PGCKA1: variants seen among roughly 807,000 people sequenced by gnomAD.
The protein encoded by PGCKA1 is PDCD10 and GCKIII kinases-associated protein 1.
the PGCKA1 span, among the ~76,000 whole-genome samples, chr4:37,558,551 A>G: frequency 6.6e-6 from 1 of 152,058 alleles, no homozygotes; most frequent in Non-Finnish European, 1.5e-5. Flanking sequence ...CTTCATGTCT[A>G]AAACACCAAA....
chr4:37,481,464 C>CAAA, the PGCKA1 span, among the ~76,000 whole-genome samples: 976 of 61,064 alleles, frequency 0.016, 124 homozygotes, highest in Non-Finnish European at 0.025. Context: ...GACCTGTCTC[C>CAAA]AAAAAAAAAA....
chr4:37,556,159 T>C, the PGCKA1 span, among the ~76,000 whole-genome samples: 4 of 152,232 alleles, frequency 2.6e-5, no homozygotes, highest in Admixed American at 2.6e-4. Flanking sequence ...TACTCCATTC[T>C]TTCTGCCTCA....
chr4:37,590,435 C>T, the PGCKA1 span: 1 of 1,611,782 alleles, frequency 6.2e-7, no homozygotes, highest in Non-Finnish European at 8.5e-7. Context: ...GCCAGTACTG[C>T]AAATACTGTT....
the PGCKA1 span, among the ~76,000 whole-genome samples, chr4:37,453,677 A>T: frequency 7.2e-4 from 107 of 147,996 alleles, no homozygotes; most frequent in African/African-American, 2.2e-3. Context: ...CCGTGATGGC[A>T]GGCGGTTGGC....
chr4:37,555,975 G>A, the PGCKA1 span, among the ~76,000 whole-genome samples: 3 of 152,084 alleles, frequency 2.0e-5, no homozygotes, highest in African/African-American at 7.2e-5. Flanking sequence ...CTCCCATCAG[G>A]CTGTTATTCT....
At chr4:37,468,757 T>C in the PGCKA1 span, among the ~76,000 whole-genome samples, 62,962 of 151,586 alleles carry the variant, frequency 0.42, 13,836 homozygotes, top group Non-Finnish European at 0.49. Flanking sequence ...CCCACACACA[T>C]ATGTTTGTGT....
At chr4:37,503,833 T>A in the PGCKA1 span, among the ~76,000 whole-genome samples, 2 of 152,318 alleles carry the variant, frequency 1.3e-5, no homozygotes, top group South Asian at 4.1e-4. Flanking sequence ...TGTTTCAGCT[T>A]CTTATAGTTT....
At chr4:37,519,706 A>T in the PGCKA1 span, among the ~76,000 whole-genome samples, 2 of 152,212 alleles carry the variant, frequency 1.3e-5, no homozygotes, top group Non-Finnish European at 2.9e-5. Context: ...CAACATCTGC[A>T]AACAAGGATA....
the PGCKA1 span, among the ~76,000 whole-genome samples, chr4:37,576,403 TGCTACAG>T: frequency 1.4e-4 from 22 of 152,262 alleles, no homozygotes; most frequent in South Asian, 2.1e-4. Flanking sequence ...CATATAGAAA[TGCTACAG>T]GTTTTTGTAT....
chr4:37,507,387 A>T, the PGCKA1 span, among the ~76,000 whole-genome samples: 1 of 151,558 alleles, frequency 6.6e-6, no homozygotes, highest in Non-Finnish European at 1.5e-5. Flanking sequence ...CCATTTAGTG[A>T]AGCTGATTTT....
chr4:37,540,641 G>A, the PGCKA1 span, among the ~76,000 whole-genome samples: 1 of 152,188 alleles, frequency 6.6e-6, no homozygotes, highest in Admixed American at 6.5e-5. Context: ...CCCTGTGTGA[G>A]GACACAGGAA....
At chr4:37,512,942 G>A in the PGCKA1 span, among the ~76,000 whole-genome samples, 1 of 152,188 alleles carries the variant, frequency 6.6e-6, no homozygotes, top group African/African-American at 2.4e-5. Context: ...TACAAAATCA[G>A]CTGGGCGTAG....
chr4:37,561,102 T>A, the PGCKA1 span, among the ~76,000 whole-genome samples: 2 of 152,172 alleles, frequency 1.3e-5, no homozygotes, highest in African/African-American at 4.8e-5. Context: ...CTCCTTGATA[T>A]GAAATTCAGG....
chr4:37,566,722 A>G, the PGCKA1 span, among the ~76,000 whole-genome samples: 3 of 152,142 alleles, frequency 2.0e-5, no homozygotes, highest in Non-Finnish European at 2.9e-5. Context: ...TAGTTGGACT[A>G]CAGGTGCACC....
At chr4:37,492,434 C>T in the PGCKA1 span, among the ~76,000 whole-genome samples, 1 of 152,114 alleles carries the variant, frequency 6.6e-6, no homozygotes, top group Non-Finnish European at 1.5e-5. The surrounding 1 kb of genome is among the most constrained non-coding windows in gnomAD (Gnocchi z 4.7). Flanking sequence ...TCTGGCTGAG[C>T]CAGTTGTTAG....
the PGCKA1 span, among the ~76,000 whole-genome samples, chr4:37,562,287 G>T: frequency 6.6e-6 from 1 of 152,190 alleles, no homozygotes; most frequent in Non-Finnish European, 1.5e-5. Flanking sequence ...AAGTGTATAT[G>T]TAAAGCATAT....
the PGCKA1 span, among the ~76,000 whole-genome samples, chr4:37,566,415 C>T: frequency 2.6e-5 from 4 of 151,028 alleles, no homozygotes; most frequent in African/African-American, 7.3e-5. Flanking sequence ...TGAGTAGCTG[C>T]GATTACAGGC....
the PGCKA1 span, among the ~76,000 whole-genome samples, chr4:37,578,164 G>T: frequency 2.6e-5 from 4 of 152,180 alleles, no homozygotes; most frequent in African/African-American, 9.7e-5. Context: ...TCCAGCTATT[G>T]TTGTATTGGG....
chr4:37,535,083 G>A, the PGCKA1 span, among the ~76,000 whole-genome samples: 1 of 152,168 alleles, frequency 6.6e-6, no homozygotes, highest in Non-Finnish European at 1.5e-5. Flanking sequence ...CCAGCTAGAG[G>A]CATCCAGGGT....
Sources: allele counts gnomAD v4.1 joint callset (sites outside exome capture counted in the v4.1 genomes callset), GRCh38; gene constraint gnomAD v4.1.1; non-coding constraint Gnocchi (gnomAD v3.1); transcripts MANE v1.5; gene names NCBI Gene and HGNC (gene_info 2026-07-23, HGNC 2026-07-21).